The following MYRIP variants were observed in gnomAD, a reference collection of about 807,000 sequenced individuals.
The protein encoded by MYRIP is myosin VIIA and Rab interacting protein.
In MYRIP, 49 loss-of-function variants were observed where a neutral mutation model predicts 98.0. That is an observed-to-expected ratio of 0.50 (90% CI 0.40 to 0.63). The LOEUF (loss-of-function observed/expected upper bound fraction) is 0.63, where lower values mean the gene tolerates loss of function less well. Ranked by LOEUF, MYRIP falls within the 30% of genes least tolerant of loss-of-function variation. The pLI is 0.00. For missense variants in MYRIP, 1,004 were observed against 1,058.2 expected (o/e 0.95, Z 0.71); for synonymous variants, 404 against 409.5 (o/e 0.99, Z 0.16).
chr3:39,824,194 CT>C (rs2125576439), intron 1 of MYRIP, among the ~76,000 whole-genome samples: 1 of 152,168 alleles, frequency 6.6e-6, no homozygotes, highest in South Asian at 2.1e-4. Flanking sequence ...GTTCCTTATT[CT>C]ATTCCACTTG....
intron 2 of MYRIP, among the ~76,000 whole-genome samples, chr3:39,998,628 C>T (rs1173907643): frequency 6.6e-6 from 1 of 152,046 alleles, no homozygotes; most frequent in Non-Finnish European, 1.5e-5. Context: ...GATTCAATGC[C>T]ATCCCCATCA....
intron 2 of MYRIP, among the ~76,000 whole-genome samples, chr3:39,951,894 G>A (rs1003704170): frequency 4.0e-5 from 6 of 151,886 alleles, no homozygotes; most frequent in Non-Finnish European, 8.8e-5. Flanking sequence ...TTTTAAACGC[G>A]CTTTATGATG....
chr3:40,209,596 A>C (rs1470448568), intron 10 of MYRIP, among the ~76,000 whole-genome samples: 1 of 152,040 alleles, frequency 6.6e-6, no homozygotes, highest in Non-Finnish European at 1.5e-5. Context: ...AGGAGCTCAG[A>C]GAGTAGTCTG....
chr3:39,857,528 G>T (rs754713019), intron 1 of MYRIP, among the ~76,000 whole-genome samples: 1 of 152,004 alleles, frequency 6.6e-6, no homozygotes, highest in Non-Finnish European at 1.5e-5. Flanking sequence ...TCTAAGACAG[G>T]TCAATTGAAT....
intron 1 of MYRIP, among the ~76,000 whole-genome samples, chr3:39,877,012 C>T (rs1251922601): frequency 6.6e-6 from 1 of 152,190 alleles, no homozygotes; most frequent in African/African-American, 2.4e-5. Flanking sequence ...TTCACATAGT[C>T]CCATATTTCT....
chr3:39,947,214 A>T (rs901961788), intron 2 of MYRIP, among the ~76,000 whole-genome samples: 2 of 152,170 alleles, frequency 1.3e-5, no homozygotes, highest in African/African-American at 4.8e-5. Context: ...GATTAAGCAT[A>T]GCAATCATTA....
At chr3:39,864,060 C>T (rs1942550731) in intron 1 of MYRIP, among the ~76,000 whole-genome samples, 1 of 152,146 alleles carries the variant, frequency 6.6e-6, no homozygotes, top group Non-Finnish European at 1.5e-5. Context: ...ATATGATGAT[C>T]TCAATATATG....
intron 2 of MYRIP, among the ~76,000 whole-genome samples, chr3:39,966,688 C>T (rs370920984): frequency 6.2e-4 from 95 of 152,286 alleles, no homozygotes; most frequent in African/African-American, 2.0e-3. Context: ...ATGCCGAGGA[C>T]GGAGAGTTGC....
intron 2 of MYRIP, among the ~76,000 whole-genome samples, chr3:40,017,571 A>G (rs1416034358): frequency 6.6e-6 from 1 of 152,168 alleles, no homozygotes; most frequent in Non-Finnish European, 1.5e-5. Flanking sequence ...CCTAGCACCA[A>G]CAGAAGTTTT....
intron 4 of MYRIP, among the ~76,000 whole-genome samples, chr3:40,151,402 A>C (rs1235305173): frequency 6.6e-6 from 1 of 152,238 alleles, no homozygotes; most frequent in African/African-American, 2.4e-5. Context: ...TAGAGCTTAT[A>C]AGTTAGAAGC....
At chr3:39,815,851 T>A (rs1382442234) in intron 1 of MYRIP, among the ~76,000 whole-genome samples, 3 of 151,566 alleles carry the variant, frequency 2.0e-5, no homozygotes, top group African/African-American at 7.3e-5. Flanking sequence ...TGCTTTAACG[T>A]GTTAAGAAAT....
At chr3:39,934,569 G>T (rs1446203563) in intron 2 of MYRIP, among the ~76,000 whole-genome samples, 1 of 152,052 alleles carries the variant, frequency 6.6e-6, no homozygotes, top group Non-Finnish European at 1.5e-5. Context: ...AACAAATAAG[G>T]GTTACCTTCC....
chr3:40,044,189 T>A lies in MYRIP; in HGVS notation c.250T>A (p.Cys84Ser). The change falls in exon 3 of 17, where the codon TGC becomes AGC. Residue 84 changes from cysteine to serine, a missense_variant. By Grantham distance (112) the Cys-to-Ser change is moderately radical. Around this residue, in one of 3 missense-constraint regions of MYRIP, gnomAD observed 880 missense variants for 907.7 expected, o/e 0.97. Transcript: ENST00000302541. ...LVNTKRQCGD[C>S]KFNVCKSCCS... ...CAACACCAAGCGCCAGTGTGGAGAT[T>A]GCAAATTCAATGTCTGCAAGAGCTG... 4 of 1,614,148 alleles carry A rather than the reference T, an allele frequency of 2.5e-6. No homozygotes were observed. The highest frequency in any genetic ancestry group is 3.4e-6 in the Non-Finnish European group (4 of 1,180,002).
chr3:40,126,875 G>A (rs754657344), intron 3 of MYRIP, among the ~76,000 whole-genome samples: 42 of 152,198 alleles, frequency 2.8e-4, no homozygotes, highest in African/African-American at 6.5e-4. Flanking sequence ...CTGAGCAGTC[G>A]GTTGGGTGAG....
chr3:40,192,343 C>CT lies in MYRIP; in HGVS notation c.1665+1880_1665+1881insT, dbSNP rs1559445044. 1.6e-3 allele frequency among the ~76,000 whole-genome samples: 76 copies of CT among 47,558 alleles called. 1 individual carries two copies. The East Asian group carries it at 0.047, about 30-fold the overall frequency. The allele number at this position is 47,558 out of a possible 152,430, so 31.2% of individuals were successfully genotyped here. A position where few individuals can be genotyped will look rare whatever the true frequency, so the allele number is the denominator to read the frequency against. On this transcript the variant is annotated intron_variant, in intron 10 of 16. Transcript: ENST00000302541. ...ATATATATGTCATATATATATATGT[C>CT]ATATATATATTTATATTTATTTAAG...
chr3:40,052,104 C>A (rs1462932219), intron 3 of MYRIP, among the ~76,000 whole-genome samples: 2 of 151,972 alleles, frequency 1.3e-5, no homozygotes, highest in African/African-American at 4.8e-5. Flanking sequence ...AATTTCCCTA[C>A]TATACTATTG....
intron 3 of MYRIP, among the ~76,000 whole-genome samples, chr3:40,056,752 T>C (rs887720890): frequency 6.9e-6 from 1 of 144,280 alleles, no homozygotes; most frequent in Non-Finnish European, 1.5e-5. Context: ...TTTAGTTTAA[T>C]AGATGGAATT....
chr3:40,199,748 A>C (rs914854169), intron 10 of MYRIP, among the ~76,000 whole-genome samples: 3 of 152,220 alleles, frequency 2.0e-5, no homozygotes, highest in African/African-American at 7.2e-5. Flanking sequence ...GGATTCCCTT[A>C]AATGAAATCT....
At chr3:39,814,600 A>G (rs998675411) in intron 1 of MYRIP, among the ~76,000 whole-genome samples, 1 of 152,100 alleles carries the variant, frequency 6.6e-6, no homozygotes, top group African/African-American at 2.4e-5. Context: ...GACATATGCT[A>G]ATTTCCGTTA....
Sources: allele counts gnomAD v4.1 joint callset (sites outside exome capture counted in the v4.1 genomes callset), GRCh38; gene constraint gnomAD v4.1.1; regional missense constraint gnomAD v4.1.1; transcripts MANE v1.5; gene names NCBI Gene and HGNC (gene_info 2026-07-23, HGNC 2026-07-21).